The following TARS1 variants were observed in gnomAD, a reference collection of about 807,000 sequenced individuals.
The protein encoded by TARS1 is threonine--tRNA ligase 1, cytoplasmic.
In TARS1, 57 loss-of-function variants were observed where a neutral mutation model predicts 97.7. The observed-to-expected ratio is 0.58, with a 90% CI of 0.47 to 0.73. The LOEUF is 0.73. Among genes scored for constraint, TARS1 ranks in the 30% least tolerant of loss-of-function variants. The probability of loss-of-function intolerance (pLI) is 0.00; values close to 1 mark genes in which losing one functional copy is unlikely to be tolerated. For missense variants in TARS1, 806 were observed against 888.3 expected, an observed-to-expected ratio of 0.91 and a Z score of 1.18; for synonymous variants, 312 against 293.7, an observed-to-expected ratio of 1.06 and a Z score of -0.64.
rs761035547 is a variant in TARS1, at chr5:33,462,101, A to G, written c.1733A>G (p.His578Arg). 3.1e-6 allele frequency: 5 copies of G among 1,611,522 alleles called. No homozygotes were observed. Among genetic ancestry groups the G allele is most frequent in the Non-Finnish European group, 2.5e-6 (3 of 1,179,194 alleles). ...AACAATTTTTTTTTTCTTTATAGCC[A>G]TGATGGTGATGATAAGAAAAGGCCA... ...PIRFNLTYVS[H>R]DGDDKKRPVI... The change falls in exon 16 of 19, where the codon CAT becomes CGT. Residue 578 changes from histidine to arginine, a missense_variant and splice_region_variant. Around this residue, in one of 3 missense-constraint regions of TARS1, gnomAD observed 446 missense variants for 511.0 expected, o/e 0.87. Transcript: ENST00000265112.
chr5:33,463,587 C>T (rs1312400977), intron 16 of TARS1, among the ~76,000 whole-genome samples, 166 bp from the exon 17 acceptor site: 1 of 152,166 alleles, frequency 6.6e-6, no homozygotes, highest in African/African-American at 2.4e-5. Context: ...TCGCCTTAAT[C>T]TTTATTGGAT....
At chr5:33,451,803 T>C (rs1316022413) in intron 3 of TARS1, among the ~76,000 whole-genome samples, 1 of 152,262 alleles carries the variant, frequency 6.6e-6, no homozygotes, top group Non-Finnish European at 1.5e-5. Context: ...TATTGGATCA[T>C]AAGATAAAAG....
At chr5:33,464,105 G>A (rs11960553) in intron 17 of TARS1, among the ~76,000 whole-genome samples, 5,729 of 152,296 alleles carry the variant, frequency 0.038, 142 homozygotes, top group Non-Finnish European at 0.059. Flanking sequence ...CAACTGGAGT[G>A]CAGTAGTACA....
rs1356736300 is a variant in TARS1, at chr5:33,441,007, A to G, written c.-80A>G. 4 of 1,584,166 alleles carry G rather than the reference A, an allele frequency of 2.5e-6. No individual in the cohort carries two copies. The highest frequency in any genetic ancestry group is 3.5e-6 in the Non-Finnish European group (4 of 1,155,970). ...CAGCCGAGGCCAAGTCCCGGGCGCT[A>G]GCCCACCTCCCACCCGCCTCTTGGC... On this transcript the variant is annotated 5_prime_UTR_variant, in exon 1 of 19. Coordinates refer to ENST00000265112, the MANE Select transcript of TARS1 (RefSeq NM_152295.5).
At chr5:33,449,436 T>G (rs1011703526) in intron 3 of TARS1, among the ~76,000 whole-genome samples, 1 of 145,548 alleles carries the variant, frequency 6.9e-6, no homozygotes, top group African/African-American at 2.6e-5. Context: ...AATGATTCTT[T>G]TTTTCTTTCT....
At chr5:33,467,220 A>G (rs1356403579) in intron 18 of TARS1, among the ~76,000 whole-genome samples, 2 of 149,306 alleles carry the variant, frequency 1.3e-5, no homozygotes, top group East Asian at 3.9e-4. Flanking sequence ...ATATTTTGCT[A>G]TTATAACAAG....
In TARS1 at chr5:33,455,083, A is replaced by G; in HGVS notation, c.575+17A>G. 2 of 1,612,702 alleles carry G rather than the reference A, an allele frequency of 1.2e-6. No homozygotes were observed. The highest frequency in any genetic ancestry group is 1.3e-5 in the African/African-American group (1 of 74,930). On this transcript the variant is annotated intron_variant, in intron 5 of 18. Transcript: ENST00000265112. ...CGAAGAAGGGTAAGCCATCAACTAGATAAAGAAAACTGAAGTCAATGACTA... is the reference window on the plus strand; with the variant it reads ...CGAAGAAGGGTAAGCCATCAACTAGGTAAAGAAAACTGAAGTCAATGACTA...
intron 3 of TARS1, chr5:33,452,341 T>G: frequency 6.5e-7 from 1 of 1,535,432 alleles, no homozygotes; most frequent in South Asian, 1.2e-5. Flanking sequence ...TCTGCTCTAG[T>G]CACACAGCTT....
Position 33,441,219 on chromosome 5 carries a change from G to A in TARS1, c.57+76G>A, listed in dbSNP as rs192884792. On this transcript the variant is annotated intron_variant, in intron 1 of 18. Coordinates refer to ENST00000265112, the MANE Select transcript of TARS1 (RefSeq NM_152295.5). ...CAGACGCTACGCTCGCGGCGGGAGC[G>A]GGGGGCAGGAAGCAGGAAGCGGCCG... The A allele has an allele frequency of 6.3e-6, 10 of 1,580,052 alleles. No individual in the cohort carries two copies. In the African/African-American group the frequency reaches 1.1e-4, roughly 17 times the overall value.
intron 3 of TARS1, 27 bp from the exon 4 acceptor site, chr5:33,453,262 A>AC (rs200074421): frequency 0.023 from 27,614 of 1,205,942 alleles, 354 homozygotes; most frequent in East Asian, 0.09. Context: ...ATATGTGTGG[A>AC]CTTTTTTTTT....
chr5:33,447,084 T>C (rs1741456163), intron 2 of TARS1, among the ~76,000 whole-genome samples: 1 of 152,144 alleles, frequency 6.6e-6, no homozygotes, highest in Admixed American at 6.5e-5. Context: ...CAAAATGCGC[T>C]GTGACTGTGC....
rs1214622481 is a variant in TARS1, at chr5:33,458,510, A to G, written c.985-56A>G. ...CAAGAACACTGAAATTTATGTATAT[A>G]TACACACACGTATACGTGACGTACA... On this transcript the variant is annotated intron_variant, in intron 9 of 18. Coordinates refer to ENST00000265112, the MANE Select transcript of TARS1 (RefSeq NM_152295.5). 2.1e-6 allele frequency: 3 copies of G among 1,461,868 alleles called. No individual in the cohort carries two copies. In the East Asian group the frequency reaches 6.9e-5, roughly 33 times the overall value. The allele number at this position is 1,461,868 out of a possible 1,614,324, so 90.6% of individuals were successfully genotyped here.
intron 16 of TARS1, among the ~76,000 whole-genome samples, chr5:33,462,408 T>C (rs1445572718): frequency 1.3e-5 from 2 of 152,226 alleles, no homozygotes; most frequent in Non-Finnish European, 2.9e-5. Flanking sequence ...TAGTAATTAC[T>C]TTAATTCCAG....
chr5:33,448,582 G>A lies in TARS1; in HGVS notation c.180G>A (p.Met60Ile). 1.9e-6 allele frequency: 3 copies of A among 1,611,798 alleles called. No homozygotes were observed. The highest frequency in any genetic ancestry group is 2.2e-5 in the South Asian group (2 of 90,714). ...AATATATTTACACACGTCTTGAGAT[G>A]TATAATATACTAAAAGCAGAACATG... ...WPEYIYTRLE[M>I]YNILKAEHDS... Residue 60 changes from methionine (M) to isoleucine (I), a missense_variant, in exon 3 of 19, where the codon ATG (methionine) becomes ATA (isoleucine). Coordinates refer to ENST00000265112, the MANE Select transcript of TARS1 (RefSeq NM_152295.5).
At chr5:33,460,142 A>T (rs898543641) in intron 11 of TARS1, among the ~76,000 whole-genome samples, 3 of 151,714 alleles carry the variant, frequency 2.0e-5, no homozygotes, top group Admixed American at 1.3e-4. Context: ...AATTTTTAAA[A>T]TTTTATTTCT....
At chr5:33,458,079 G>GT in intron 9 of TARS1, among the ~76,000 whole-genome samples, 1 of 152,174 alleles carries the variant, frequency 6.6e-6, no homozygotes, top group Non-Finnish European at 1.5e-5. Flanking sequence ...TGGCAAGGAG[G>GT]TAGGAGGGTG....
intron 3 of TARS1, among the ~76,000 whole-genome samples, chr5:33,449,358 T>G (rs5022546): frequency 0.014 from 1,982 of 146,328 alleles, 52 homozygotes; most frequent in South Asian, 0.11. Flanking sequence ...TATATATATA[T>G]CTTAAACTGG....
intron 3 of TARS1, chr5:33,452,582 G>A (rs1741798653): frequency 1.6e-6 from 1 of 627,114 alleles, no homozygotes; most frequent in Non-Finnish European, 2.7e-6. Context: ...TGTATATTGG[G>A]TGTGTAATGT....
chr5:33,459,067 A>G (rs983229951), intron 10 of TARS1, among the ~76,000 whole-genome samples: 7 of 152,114 alleles, frequency 4.6e-5, no homozygotes, highest in Non-Finnish European at 1.0e-4. Flanking sequence ...ACATTGGGCT[A>G]TATTTGCTTG....
Sources: gnomAD v4.1 joint callset for allele counts (sites outside exome capture counted in the v4.1 genomes callset) on GRCh38, gnomAD v4.1.1 for gene constraint, gnomAD v4.1.1 regional missense constraint, MANE v1.5 for transcripts, NCBI Gene and HGNC (gene_info 2026-07-23, HGNC 2026-07-21) for gene names.